ZKSCAN7: variants seen among roughly 807,000 people sequenced by gnomAD.
The protein encoded by ZKSCAN7 is zinc finger with KRAB and SCAN domains 7.
ZKSCAN7 carries 38 observed loss-of-function variants against 65.3 expected under a neutral mutation model. The observed-to-expected ratio is 0.58, with a 90% CI of 0.45 to 0.76. ZKSCAN7 has a LOEUF of 0.76. ZKSCAN7 is among the 30% of genes least tolerant of loss of function. The probability of loss-of-function intolerance (pLI) is 0.00; values close to 1 mark genes in which losing one functional copy is unlikely to be tolerated. For synonymous variants in ZKSCAN7, 321 were observed against 321.0 expected, an observed-to-expected ratio of 1.00 and a Z score of 0.00; for missense variants, 815 against 913.3, an observed-to-expected ratio of 0.89 and a Z score of 1.39.
intron 5 of ZKSCAN7, chr3:44,580,550 T>G: frequency 6.2e-7 from 1 of 1,613,862 alleles, no homozygotes; most frequent in Non-Finnish European, 8.5e-7. Flanking sequence ...CCACTTTCCA[T>G]TTCTTCTTCT....
chr3:44,557,825 C>T (rs1699345707), intron 2 of ZKSCAN7, among the ~76,000 whole-genome samples: 1 of 152,162 alleles, frequency 6.6e-6, no homozygotes, highest in Admixed American at 6.5e-5. Flanking sequence ...TTGAGACATT[C>T]TCTTTGCTCA....
intron 2 of ZKSCAN7, among the ~76,000 whole-genome samples, 159 bp from the exon 3 acceptor site, chr3:44,565,327 AG>A (rs1014755637): frequency 6.6e-6 from 1 of 151,684 alleles, no homozygotes; most frequent in Non-Finnish European, 1.5e-5. Context: ...CTGCTTTCAC[AG>A]TTTTTTTTTT....
chr3:44,580,796 G>T (rs1173886298), intron 5 of ZKSCAN7: 5 of 1,612,488 alleles, frequency 3.1e-6, no homozygotes, highest in Non-Finnish European at 4.2e-6. Flanking sequence ...GGCCATGCTC[G>T]TAAAGGATGA....
At chr3:44,581,448 T>A (rs1245197184) in intron 5 of ZKSCAN7, among the ~76,000 whole-genome samples, 1 of 152,208 alleles carries the variant, frequency 6.6e-6, no homozygotes, top group East Asian at 1.9e-4. Context: ...AGAGACTTTG[T>A]TTGACATCAG....
At chr3:44,581,362 C>A (rs1233653161) in intron 5 of ZKSCAN7, among the ~76,000 whole-genome samples, 1 of 151,362 alleles carries the variant, frequency 6.6e-6, no homozygotes, top group East Asian at 1.9e-4. Flanking sequence ...CTGCCCTCAG[C>A]GCCCCGCGGC....
intron 3 of ZKSCAN7, among the ~76,000 whole-genome samples, chr3:44,567,145 GGAAA>G (rs71092315): frequency 3.1e-4 from 40 of 127,790 alleles, no homozygotes; most frequent in South Asian, 1.2e-3. Flanking sequence ...GAGAAAGAAA[GGAAA>G]GAAAGAAAGA....
chr3:44,565,005 G>T (rs558404198), intron 2 of ZKSCAN7, among the ~76,000 whole-genome samples: 1 of 152,138 alleles, frequency 6.6e-6, no homozygotes, highest in Admixed American at 6.5e-5. Context: ...ATTTCGCCAT[G>T]TTGGCTAGGC....
rs1483827024 is a variant in ZKSCAN7 at position 44,568,306 on chromosome 3, G to A, written c.685-1G>A. On this transcript the variant is annotated splice_acceptor_variant, in intron 4 of 5. Transcript: ENST00000426540. LOFTEE classifies it high-confidence loss of function. ...TGAGCGATTGGAGCTTGTCATTCCA[G>A]GATACTGTGGCATATGAGGACCTAT... The A allele has an allele frequency of 1.9e-6, 3 of 1,611,386 alleles. No individual in the cohort carries two copies. Among genetic ancestry groups the A allele is most frequent in the East Asian group, 4.5e-5 (2 of 44,886 alleles).
rs1208228147 is a variant in ZKSCAN7 at position 44,569,965 on chromosome 3, G to A, written c.855G>A (p.Gln285=). ...AGGGTTCAGAGTTGACTCCAAAGCAGGAATTTTTTAAAGGATCAGAGTCAT... is the reference window on the plus strand; with the variant it reads ...AGGGTTCAGAGTTGACTCCAAAGCAAGAATTTTTTAAAGGATCAGAGTCAT... ...MMKGSELTPK[Q]EFFKGSESSN... is the part of the protein sequence containing the mutation. The change falls in exon 6 of 6, where the codon CAG becomes CAA. Residue 285 remains glutamine, a synonymous_variant. Transcript: ENST00000426540. 1 of 1,572,722 alleles carries A rather than the reference G, an allele frequency of 6.4e-7. No homozygotes were observed. Among genetic ancestry groups the A allele is most frequent in the Non-Finnish European group, 8.6e-7 (1 of 1,163,854 alleles).
At chr3:44,579,018 G>A (rs1290670410) in intron 5 of ZKSCAN7, among the ~76,000 whole-genome samples, 2 of 152,220 alleles carry the variant, frequency 1.3e-5, no homozygotes, top group Non-Finnish European at 2.9e-5. Context: ...GTCAGCTCGT[G>A]TGTGGAGAGC....
intron 5 of ZKSCAN7, 112 bp downstream of exon 5, chr3:44,568,545 T>C: frequency 6.8e-7 from 1 of 1,469,034 alleles, no homozygotes. Context: ...ATAGTTAAAC[T>C]AGAGTGAATA....
intron 1 of ZKSCAN7, among the ~76,000 whole-genome samples, chr3:44,556,117 G>C (rs559535870): frequency 1.3e-5 from 2 of 152,320 alleles, no homozygotes; most frequent in African/African-American, 2.4e-5. Flanking sequence ...GATCAGGAAG[G>C]CTTTCTAGGG....
At chr3:44,562,121 A>G (rs529334710) in intron 2 of ZKSCAN7, among the ~76,000 whole-genome samples, 35 of 152,358 alleles carry the variant, frequency 2.3e-4, no homozygotes, top group African/African-American at 6.0e-4. Flanking sequence ...AGGTGTTTCC[A>G]TACCTCCTCT....
At position 44,570,272 on chromosome 3, in the gene ZKSCAN7, T is replaced by C. The variant is rs1428830047; in HGVS notation, c.1162T>C (p.Cys388Arg). ...ACAGAAATCCTATCGATGTGATGAATGTGGCAAAGCTTTCAATCGGAGTTC... is the reference window on the plus strand; with the variant it reads ...ACAGAAATCCTATCGATGTGATGAACGTGGCAAAGCTTTCAATCGGAGTTC... Reference protein sequence around the residue: ...KGQKSYRCDECGKAFNRSSHL... With the variant: ...KGQKSYRCDERGKAFNRSSHL... Residue 388 changes from cysteine to arginine, a missense_variant, in exon 6 of 6, where the codon TGT becomes CGT. Cys to Arg is a radical substitution (Grantham distance 180). Transcript: ENST00000426540. The C allele has an allele frequency of 6.2e-7, 1 of 1,614,240 alleles. No homozygotes were observed. The highest frequency in any genetic ancestry group is 8.5e-7 in the Non-Finnish European group (1 of 1,180,042).
At chr3:44,567,115 AAG>A (rs560493249) in intron 3 of ZKSCAN7, among the ~76,000 whole-genome samples, 11 of 145,396 alleles carry the variant, frequency 7.6e-5, no homozygotes, top group Admixed American at 2.7e-4. Context: ...TCAAAACAAA[AAG>A]AGAGAGAGAG....
chr3:44,576,316 G>A (rs1699923325), downstream of ZKSCAN7, among the ~76,000 whole-genome samples: 1 of 152,110 alleles, frequency 6.6e-6, no homozygotes, highest in Admixed American at 6.5e-5. Flanking sequence ...CCCTATCTCA[G>A]ATATCAAAGC....
At chr3:44,568,253 A>G (rs1699690980) in intron 4 of ZKSCAN7, 54 bp from the exon 5 acceptor site, 1 of 1,592,388 alleles carries the variant, frequency 6.3e-7, no homozygotes. Context: ...ACCCCTGATG[A>G]CTCTGCCCTT....
At chr3:44,569,743 T>C (rs1699738660) in intron 5 of ZKSCAN7, among the ~76,000 whole-genome samples, 179 bp from the exon 6 acceptor site, 1 of 152,210 alleles carries the variant, frequency 6.6e-6, no homozygotes, top group African/African-American at 2.4e-5. Context: ...CTTGTTTTCC[T>C]GTCCCTAGGG....
At chr3:44,569,684 T>C (rs1239131097) in intron 5 of ZKSCAN7, among the ~76,000 whole-genome samples, 1 of 152,170 alleles carries the variant, frequency 6.6e-6, no homozygotes, top group African/African-American at 2.4e-5. Context: ...TTGGTTGTGC[T>C]GGCTTAGTAT....
Sources: gnomAD v4.1 joint callset for allele counts (sites outside exome capture counted in the v4.1 genomes callset) on GRCh38, gnomAD v4.1.1 for gene constraint, MANE v1.5 for transcripts, NCBI Gene and HGNC (gene_info 2026-07-23, HGNC 2026-07-21) for gene names.